Variants in ANO1 observed in about 807,000 individuals in gnomAD.
The protein encoded by ANO1 is anoctamin 1.
In ANO1, 59 loss-of-function variants were observed where a neutral mutation model predicts 124.0. The observed-to-expected ratio is 0.48, with a 90% CI of 0.39 to 0.59. ANO1 has a LOEUF of 0.59. Among genes scored for constraint, ANO1 ranks in the 20% least tolerant of loss-of-function variants. The probability of loss-of-function intolerance (pLI) is 0.00; values close to 1 mark genes in which losing one functional copy is unlikely to be tolerated. For synonymous variants in ANO1, 529 were observed against 532.0 expected (o/e 0.99, Z 0.08); for missense variants, 1,059 against 1,328.0 (o/e 0.80, Z 3.15).
At chr11:69,996,237 A>G (rs1471377233) in intron 1 of ANO1, among the ~76,000 whole-genome samples, 1 of 152,232 alleles carries the variant, frequency 6.6e-6, no homozygotes, top group African/African-American at 2.4e-5. Flanking sequence ...TTTGCTGAAC[A>G]TTGATCACAC....
chr11:70,170,483 C>G (rs1049416373), intron 21 of ANO1, among the ~76,000 whole-genome samples: 1 of 152,060 alleles, frequency 6.6e-6, no homozygotes, highest in Non-Finnish European at 1.5e-5. Flanking sequence ...TCCCAGCTAC[C>G]CGGGAGGCTG....
At chr11:70,154,572 T>C (rs1053118250) in intron 14 of ANO1, among the ~76,000 whole-genome samples, 5 of 146,046 alleles carry the variant, frequency 3.4e-5, no homozygotes, top group African/African-American at 1.3e-4. Context: ...GTTCACGCCA[T>C]TCTCCTGCCT....
At chr11:70,170,327 TGGC>T (rs1162213515) in intron 21 of ANO1, among the ~76,000 whole-genome samples, 3 of 152,230 alleles carry the variant, frequency 2.0e-5, no homozygotes, top group Admixed American at 6.5e-5. Context: ...TGACATGGGC[TGGC>T]GAGGTGGCTC....
intron 2 of ANO1, among the ~76,000 whole-genome samples, chr11:70,100,015 A>C (rs1374669032): frequency 6.6e-6 from 1 of 152,058 alleles, no homozygotes; most frequent in Non-Finnish European, 1.5e-5. Flanking sequence ...AGGGAGCCCA[A>C]ACCCACACCT....
At chr11:69,978,608 C>G in the ANO1 span, among the ~76,000 whole-genome samples, 2 of 152,208 alleles carry the variant, frequency 1.3e-5, no homozygotes, top group African/African-American at 4.8e-5. Context: ...ACCCTGGCCT[C>G]CCAAAGTGCT....
intron 4 of ANO1, 64 bp downstream of exon 4, chr11:70,104,214 A>G: frequency 6.6e-7 from 1 of 1,503,910 alleles, no homozygotes; most frequent in Admixed American, 2.2e-5. Flanking sequence ...ACCTTCTAGC[A>G]TGAGAAATGC....
chr11:70,018,071 G>A (rs1257802650), intron 1 of ANO1, among the ~76,000 whole-genome samples: 2 of 152,088 alleles, frequency 1.3e-5, no homozygotes, highest in Admixed American at 6.5e-5. Context: ...AACTTATGAA[G>A]AGGCCAGGCA....
intron 22 of ANO1, among the ~76,000 whole-genome samples, chr11:70,173,571 G>A (rs2048557140): frequency 6.6e-6 from 1 of 152,232 alleles, no homozygotes; most frequent in Non-Finnish European, 1.5e-5. Flanking sequence ...GGCCAGAGGT[G>A]GAGCAAGGGT....
intron 1 of ANO1, among the ~76,000 whole-genome samples, chr11:70,069,181 C>G (rs11232712): frequency 0.69 from 104,817 of 152,134 alleles, 36,148 homozygotes; most frequent in African/African-American, 0.72. Context: ...GGAAGCCCCA[C>G]CATCCTCCCT....
chr11:70,168,562 A>G (rs1358152859), intron 21 of ANO1, among the ~76,000 whole-genome samples: 1 of 152,044 alleles, frequency 6.6e-6, no homozygotes, highest in African/African-American at 2.4e-5. Flanking sequence ...AGGTCCAGGT[A>G]TACAGTGGGT....
intron 2 of ANO1, among the ~76,000 whole-genome samples, chr11:70,088,957 C>T (rs1302155459): frequency 1.3e-5 from 2 of 152,190 alleles, no homozygotes; most frequent in Non-Finnish European, 2.9e-5. Flanking sequence ...AACAAAAGGT[C>T]GACCCCCCTC....
rs141938651 is a variant in ANO1, at chr11:70,136,707, C to T, written c.1258+4628C>T. Among the ~76,000 whole-genome samples the T allele has an allele frequency of 3.6e-4, 54 of 147,948 alleles. 6 individuals carry two copies. The East Asian group carries it at 7.9e-3, about 22-fold the overall frequency. ...AGCCGCCCTCAGACACGCTCAGCTCCACCACACGAGGGTGTGGGCAGAGCA... is the reference window on the plus strand; with the variant it reads ...AGCCGCCCTCAGACACGCTCAGCTCTACCACACGAGGGTGTGGGCAGAGCA... On this transcript the variant is annotated intron_variant, in intron 11 of 25. Transcript: ENST00000355303.
chr11:70,125,552 G>T (rs1158717682), intron 9 of ANO1, among the ~76,000 whole-genome samples: 2 of 148,726 alleles, frequency 1.3e-5, no homozygotes, highest in African/African-American at 4.9e-5. Flanking sequence ...AAAAGAAAAA[G>T]AAAGAGAAGA....
intron 7 of ANO1, among the ~76,000 whole-genome samples, chr11:70,112,951 G>A (rs762989168): frequency 2.0e-5 from 3 of 152,144 alleles, no homozygotes; most frequent in Admixed American, 6.5e-5. Context: ...TTCTCCAGAC[G>A]GTTGACCCCA....
chr11:70,074,124 C>T (rs1415864319), upstream of ANO1, among the ~76,000 whole-genome samples: 1 of 152,182 alleles, frequency 6.6e-6, no homozygotes, highest in Non-Finnish European at 1.5e-5. Flanking sequence ...TTCTGTCCTA[C>T]GCGGGTTGCC....
At chr11:69,994,532 T>C (rs1554998072) in intron 1 of ANO1, among the ~76,000 whole-genome samples, 1 of 152,208 alleles carries the variant, frequency 6.6e-6, no homozygotes, top group Non-Finnish European at 1.5e-5. Flanking sequence ...AGATAATCTC[T>C]ATAGACATCA....
chr11:70,129,874 C>T (rs747397631), intron 10 of ANO1, among the ~76,000 whole-genome samples: 2 of 152,164 alleles, frequency 1.3e-5, no homozygotes, highest in Non-Finnish European at 2.9e-5. Context: ...CTGCCTGCCT[C>T]GGCCTCCCAG....
At position 70,094,200 on chromosome 11, in the gene ANO1, G is replaced by A. The variant is rs528540213; in HGVS notation, c.441+6116G>A. ...CAGAGGGGAACCGCAAGTCCCCCTT[G>A]GAAGAGAAGGGTCTCCCTGCATGTG... On this transcript the variant is annotated intron_variant, in intron 2 of 25. Transcript: ENST00000355303. Among the ~76,000 whole-genome samples, 68 of 152,292 alleles carry A rather than the reference G, an allele frequency of 4.5e-4. No individual in the cohort carries two copies. In the South Asian group the frequency reaches 5.0e-3, roughly 11 times the overall value.
At chr11:69,980,639 T>G in the ANO1 span, among the ~76,000 whole-genome samples, 1 of 150,452 alleles carries the variant, frequency 6.6e-6, no homozygotes, top group African/African-American at 2.4e-5. Context: ...CAAAAAACTG[T>G]AGAGATTGAT....
Sources: allele counts gnomAD v4.1 joint callset (sites outside exome capture counted in the v4.1 genomes callset), GRCh38; gene constraint gnomAD v4.1.1; transcripts MANE v1.5; gene names NCBI Gene and HGNC (gene_info 2026-07-23, HGNC 2026-07-21).